MAP3K21: variants seen among roughly 807,000 people sequenced by gnomAD.
The protein encoded by MAP3K21 is mitogen-activated protein kinase kinase kinase MLK4.
A neutral mutation model predicts 86.1 loss-of-function variants in MAP3K21; 63 were observed. The ratio of observed to expected loss-of-function variants is 0.73; its 90% CI spans 0.60 to 0.90. MAP3K21 has a LOEUF of 0.90. Ranked by LOEUF, MAP3K21 falls within the 40% of genes least tolerant of loss-of-function variation. The pLI, the probability that MAP3K21 is intolerant of heterozygous loss-of-function variation, is 0.00. For missense variants in MAP3K21, 1,220 were observed against 1,367.7 expected (o/e 0.89, Z 1.70); for synonymous variants, 558 against 564.8 (o/e 0.99, Z 0.17).
rs1002046430 is a variant in MAP3K21 at position 233,384,409 on chromosome 1, G to A, written c.*1698G>A. The A allele has an allele frequency of 4.6e-5, 7 of 152,060 alleles. No individual in the cohort carries two copies. Among genetic ancestry groups the A allele is most frequent in the Admixed American group, 3.9e-4 (6 of 15,268 alleles). 9.4% of individuals were successfully genotyped at this position (152,060 alleles called of 1,614,324 possible). On this transcript the variant is annotated 3_prime_UTR_variant, in exon 10 of 10. Transcript: ENST00000366624. The stretch of plus-strand genomic sequence containing the variant: ...CAGCAAAGTCTCAGATACTTAATAC[G>A]TTTTCTTGTTTTATCATCTGTTCTA...
At chr1:233,364,726 A>C (rs1163165672) in intron 5 of MAP3K21, among the ~76,000 whole-genome samples, 4 of 152,154 alleles carry the variant, frequency 2.6e-5, no homozygotes, top group African/African-American at 9.7e-5. Flanking sequence ...TTTCCTGAGA[A>C]GAGAGGAGAA....
At chr1:233,360,360 G>A (rs1282734022) in intron 4 of MAP3K21, among the ~76,000 whole-genome samples, 6 of 151,470 alleles carry the variant, frequency 4.0e-5, no homozygotes, top group Non-Finnish European at 8.8e-5. Context: ...TATCTGACAC[G>A]GTGTAATGAA....
At chr1:233,370,066 G>C (rs1306014099) in intron 5 of MAP3K21, among the ~76,000 whole-genome samples, 1 of 152,138 alleles carries the variant, frequency 6.6e-6, no homozygotes, top group African/African-American at 2.4e-5. Flanking sequence ...AAGTGGACTT[G>C]GGGGGCCAAA....
At chr1:233,364,692 T>C (rs12138060) in intron 5 of MAP3K21, among the ~76,000 whole-genome samples, 23,436 of 152,174 alleles carry the variant, frequency 0.15, 1,934 homozygotes, top group East Asian at 0.21. Context: ...TTTTAATTCC[T>C]GTATTGTATT....
At chr1:233,361,411 T>C (rs1663463622) in intron 4 of MAP3K21, among the ~76,000 whole-genome samples, 1 of 152,174 alleles carries the variant, frequency 6.6e-6, no homozygotes, top group Non-Finnish European at 1.5e-5. Flanking sequence ...CAGAATATAT[T>C]TTCCTTTGGC....
intron 6 of MAP3K21, chr1:233,374,219 T>C (rs1663743152): frequency 6.6e-6 from 1 of 152,198 alleles, no homozygotes; most frequent in South Asian, 2.1e-4. Flanking sequence ...CTCACTCTGT[T>C]GCCTAGGCTG....
In MAP3K21 at chr1:233,345,402, G is replaced by A. The variant is rs190444899; in HGVS notation, c.806-1040G>A. On this transcript the variant is annotated intron_variant, in intron 1 of 9. Coordinates refer to ENST00000366624, the MANE Select transcript of MAP3K21 (RefSeq NM_032435.3). Reference sequence around the variant, plus strand: ...ATACACCATGGAATACTATGCAGCCGTAAAAAAGGATGAGTTCATGTCCTT... The same window carrying A: ...ATACACCATGGAATACTATGCAGCCATAAAAAAGGATGAGTTCATGTCCTT... Among the ~76,000 whole-genome samples, 992 of 152,132 alleles carry A rather than the reference G, an allele frequency of 6.5e-3. 12 individuals carry two copies. The highest frequency in any genetic ancestry group is 0.023 in the African/African-American group (947 of 41,502).
At chr1:233,355,700 T>A (rs1572248000) in intron 4 of MAP3K21, among the ~76,000 whole-genome samples, 1 of 152,236 alleles carries the variant, frequency 6.6e-6, no homozygotes. Context: ...GGTAATGGGA[T>A]CACTGTTCTC....
intron 2 of MAP3K21, among the ~76,000 whole-genome samples, chr1:233,350,541 A>G (rs1490130505): frequency 6.6e-6 from 1 of 152,162 alleles, no homozygotes; most frequent in East Asian, 1.9e-4. Context: ...GGCTTTACCT[A>G]TGCAGTGCTA....
At chr1:233,342,340 C>A (rs1362047474) in intron 1 of MAP3K21, among the ~76,000 whole-genome samples, 2 of 152,200 alleles carry the variant, frequency 1.3e-5, no homozygotes, top group African/African-American at 4.8e-5. Flanking sequence ...ATATTCCTGC[C>A]TGGTAGACTA....
At chr1:233,342,120 G>A (rs183777940) in intron 1 of MAP3K21, among the ~76,000 whole-genome samples, 1 of 152,042 alleles carries the variant, frequency 6.6e-6, no homozygotes. Flanking sequence ...ATATTCATAG[G>A]GAATAAGGAC....
rs766591235 is a variant in MAP3K21 at position 233,372,078 on chromosome 1, G to C, written c.1593G>C (p.Leu531Phe). 1.2e-6 allele frequency: 2 copies of C among 1,614,056 alleles called. No homozygotes were observed. Among genetic ancestry groups the C allele is most frequent in the Non-Finnish European group, 1.7e-6 (2 of 1,179,992 alleles). The change falls in exon 6 of 10, where the codon TTG (leucine) becomes TTC (phenylalanine). Residue 531 changes from leucine to phenylalanine, a missense_variant. Leu to Phe is a conservative substitution (Grantham distance 22, BLOSUM62 0). Transcript: ENST00000366624. ...HKITVQASPN[L>F]DKRRSLNSSS... ...TAACCGTGCAGGCCTCTCCCAACTT[G>C]GACAAACGGCGGAGCCTGAACAGCA...
intron 5 of MAP3K21, among the ~76,000 whole-genome samples, chr1:233,366,770 G>A (rs1051069305): frequency 1.9e-4 from 29 of 152,100 alleles, no homozygotes; most frequent in Non-Finnish European, 2.8e-4. Context: ...CTTTGTCCTC[G>A]AGAATTACTG....
At position 233,372,315 on chromosome 1, in the gene MAP3K21, G is replaced by A. The variant is rs1663700947; in HGVS notation, c.1675+155G>A. ...CAACTATTTGAGAAACAAAACTTGA[G>A]CATAGGTTCCTTAGTCTAATTTTCT... On this transcript the variant is annotated intron_variant, in intron 6 of 9. Transcript: ENST00000366624. 8 of 820,850 alleles carry A rather than the reference G, an allele frequency of 9.7e-6. 1 individual carries two copies. The highest frequency in any genetic ancestry group is 8.9e-5 in the South Asian group (3 of 33,604). The allele number at this position is 820,850 out of a possible 1,614,324, so 50.8% of individuals were successfully genotyped here.
chr1:233,346,142 T>C (rs999699147), intron 1 of MAP3K21, among the ~76,000 whole-genome samples: 1 of 152,252 alleles, frequency 6.6e-6, no homozygotes, highest in Non-Finnish European at 1.5e-5. Context: ...TTTTACAGAC[T>C]TCTGATCCTA....
intron 1 of MAP3K21, among the ~76,000 whole-genome samples, chr1:233,336,617 T>A (rs533377417): frequency 6.6e-6 from 1 of 152,148 alleles, no homozygotes; most frequent in Non-Finnish European, 1.5e-5. Flanking sequence ...ATTATTTCAC[T>A]TATAATCCCA....
chr1:233,331,153 A>G (rs1054990782), intron 1 of MAP3K21, among the ~76,000 whole-genome samples: 2 of 152,194 alleles, frequency 1.3e-5, no homozygotes, highest in African/African-American at 4.8e-5. Context: ...ACATGCTGCT[A>G]CTTAGTTTTT....
chr1:233,352,931 A>C (rs1417850283), intron 2 of MAP3K21, among the ~76,000 whole-genome samples: 4 of 152,258 alleles, frequency 2.6e-5, no homozygotes. Flanking sequence ...TATACAATGC[A>C]GAAGACTCGT....
chr1:233,343,641 T>A (rs1276076074), intron 1 of MAP3K21, among the ~76,000 whole-genome samples: 1 of 152,220 alleles, frequency 6.6e-6, no homozygotes, highest in Admixed American at 6.5e-5. Context: ...GAGTACATAG[T>A]GGTTAGGACC....
Sources: gnomAD v4.1 joint callset for allele counts (sites outside exome capture counted in the v4.1 genomes callset) on GRCh38, gnomAD v4.1.1 for gene constraint, MANE v1.5 for transcripts, NCBI Gene and HGNC (gene_info 2026-07-23, HGNC 2026-07-21) for gene names.